The following EMC8 variants were observed in gnomAD, a reference collection of about 807,000 sequenced individuals.
The protein encoded by EMC8 is COX4 neighbor.
In EMC8, 11 loss-of-function variants were observed where a neutral mutation model predicts 24.3. The observed-to-expected ratio is 0.45, with a 90% confidence interval of 0.28 to 0.75. EMC8 has a LOEUF of 0.75. Ranked by LOEUF, EMC8 falls within the 30% of genes least tolerant of loss-of-function variation. The probability of loss-of-function intolerance (pLI) is 0.12; values close to 1 mark genes in which losing one functional copy is unlikely to be tolerated. For synonymous variants in EMC8, 145 were observed against 117.7 expected, an observed-to-expected ratio of 1.23 and a Z score of -1.50; for missense variants, 277 against 282.7, an observed-to-expected ratio of 0.98 and a Z score of 0.14.
intron 2 of EMC8, among the ~76,000 whole-genome samples, chr16:85,783,895 A>G (rs1307798749): frequency 6.6e-6 from 1 of 152,210 alleles, no homozygotes; most frequent in Non-Finnish European, 1.5e-5. Flanking sequence ...AGAGGCTCTA[A>G]CACAGAGTCC....
chr16:85,797,531 T>C (rs921798456), intron 1 of EMC8, among the ~76,000 whole-genome samples: 1 of 152,214 alleles, frequency 6.6e-6, no homozygotes, highest in African/African-American at 2.4e-5. Context: ...ATAAATATCA[T>C]CTAAGTATTA....
intron 4 of EMC8, 178 bp downstream of exon 4, chr16:85,780,200 AG>A (rs1904422348): frequency 8.1e-6 from 5 of 619,078 alleles, no homozygotes; most frequent in Middle Eastern, 4.2e-4. Flanking sequence ...GGTACCACTG[AG>A]GTTCCCTCTA....
Position 85,780,083 on chromosome 16 carries a change from A to G in EMC8, c.474-216T>C, listed in dbSNP as rs950745830. 1.0e-5 allele frequency: 6 copies of G among 595,754 alleles called. No homozygotes were observed. In the African/African-American group the frequency reaches 1.0e-4, roughly 10 times the overall value. The allele number at this position is 595,754 out of a possible 1,614,324, so 36.9% of individuals were successfully genotyped here. ...GACGCCTTTCACGTGGAATTCTGAGAAAGTTGGAGGCAGATGACTGAAGCT... is the reference window on the plus strand; with the variant it reads ...GACGCCTTTCACGTGGAATTCTGAGGAAGTTGGAGGCAGATGACTGAAGCT... On this transcript the variant is annotated intron_variant, in intron 4 of 4. Transcript: ENST00000253457.
chr16:85,792,282 G>T (rs944125436), intron 1 of EMC8: 14 of 152,316 alleles, frequency 9.2e-5, no homozygotes, highest in African/African-American at 3.4e-4. Context: ...CCAAATTCCA[G>T]CAGAAAAATG....
Position 85,781,022 on chromosome 16 carries a change from C to A in EMC8, c.378+189G>T, listed in dbSNP as rs74032009. 4.3e-3 allele frequency: 2,541 copies of A among 585,198 alleles called. 47 individuals carry two copies. Among genetic ancestry groups the A allele is most frequent in the African/African-American group, 0.041 (2,187 of 53,570 alleles). 36.3% of individuals were successfully genotyped at this position (585,198 alleles called of 1,614,324 possible). On this transcript the variant is annotated intron_variant, in intron 3 of 4. Coordinates refer to ENST00000253457, the MANE Select transcript of EMC8 (RefSeq NM_006067.5). ...CCCCACTCCCACTTGTGTAGTGATG[C>A]GGAAGCACAGAAGCCATGGCCTGGG...
chr16:85,782,324 C>T (rs960670511), intron 2 of EMC8, among the ~76,000 whole-genome samples: 11 of 152,316 alleles, frequency 7.2e-5, no homozygotes, highest in South Asian at 6.2e-4. Flanking sequence ...CTGGCCCTGC[C>T]GCCACCCAAC....
intron 2 of EMC8, among the ~76,000 whole-genome samples, chr16:85,782,211 A>C (rs1037110188): frequency 1.3e-5 from 2 of 152,174 alleles, no homozygotes; most frequent in Non-Finnish European, 2.9e-5. Flanking sequence ...GTCCACTGTA[A>C]CAAGTAAGAG....
At chr16:85,783,851 C>T (rs1247162597) in intron 2 of EMC8, among the ~76,000 whole-genome samples, 1 of 152,198 alleles carries the variant, frequency 6.6e-6, no homozygotes, top group African/African-American at 2.4e-5. Flanking sequence ...GATGAGACCC[C>T]CTGCCCTGCT....
At chr16:85,795,365 C>G (rs1190199823) in intron 1 of EMC8, among the ~76,000 whole-genome samples, 1 of 152,216 alleles carries the variant, frequency 6.6e-6, no homozygotes, top group Non-Finnish European at 1.5e-5. Flanking sequence ...GTGCCCCAAG[C>G]CACGTTCCTG....
intron 4 of EMC8, 187 bp from the exon 5 acceptor site, chr16:85,780,054 A>C: frequency 1.6e-6 from 1 of 610,910 alleles, no homozygotes; most frequent in Non-Finnish European, 2.9e-6. Flanking sequence ...TAATACATGG[A>C]AGGGACGCCT....
chr16:85,780,163 C>G (rs1183279780), intron 4 of EMC8: 1 of 603,914 alleles, frequency 1.7e-6, no homozygotes, highest in East Asian at 2.8e-5. Flanking sequence ...TGTCTGTGCT[C>G]TAGCGCCTGG....
intron 1 of EMC8, among the ~76,000 whole-genome samples, chr16:85,797,944 T>C (rs1361984316): frequency 6.6e-6 from 1 of 152,162 alleles, no homozygotes; most frequent in East Asian, 1.9e-4. Context: ...TTTCCCTTCA[T>C]TGATCACCGG....
chr16:85,785,030 C>G (rs1214568279), intron 2 of EMC8: 2 of 152,210 alleles, frequency 1.3e-5, no homozygotes, highest in Non-Finnish European at 2.9e-5. Context: ...TCACTGCAGC[C>G]CCAACTGCCC....
intron 1 of EMC8, among the ~76,000 whole-genome samples, 200 bp from the exon 2 acceptor site, chr16:85,789,250 A>G (rs944073360): frequency 1.3e-5 from 2 of 152,210 alleles, no homozygotes; most frequent in Non-Finnish European, 2.9e-5. Flanking sequence ...AGGAATGACT[A>G]TCTTCCTCAG....
intron 2 of EMC8, 84 bp downstream of exon 2, chr16:85,788,890 A>T (rs981206336): frequency 1.1e-6 from 1 of 930,524 alleles, no homozygotes; most frequent in African/African-American, 1.7e-5. Flanking sequence ...CAGGTTTCGT[A>T]TCTGGCCGAA....
At position 85,779,816 on chromosome 16, in the gene EMC8, C is replaced by G. The variant is rs1904403669; in HGVS notation, c.525G>C (p.Leu175=). The G allele has an allele frequency of 6.2e-7, 1 of 1,614,028 alleles. No homozygotes were observed. The highest frequency in any genetic ancestry group is 8.5e-7 in the Non-Finnish European group (1 of 1,180,024). Residue 175 remains leucine, a synonymous_variant, in exon 5 of 5, where the codon CTG becomes CTC. Transcript: ENST00000253457. ...CGAGCGTCTCGTAGGACCGGCTGTC[C>G]AGGAGCGAGGCTGAGATCCTCTGTG... ...PEAQRISASL[L]DSRSYETLVD... is the part of the protein sequence containing the mutation.
At chr16:85,780,026 G>T (rs1052772199) in intron 4 of EMC8, 159 bp from the exon 5 acceptor site, 2 of 631,794 alleles carry the variant, frequency 3.2e-6, no homozygotes, top group Non-Finnish European at 5.5e-6. Flanking sequence ...GAGGTATACA[G>T]AGCATAGAAG....
chr16:85,780,942 G>A (rs138226367), intron 3 of EMC8: 64 of 525,070 alleles, frequency 1.2e-4, no homozygotes, highest in Admixed American at 2.9e-4. Context: ...TCTGGGGTGG[G>A]TGCCTGGGAA....
intron 2 of EMC8, among the ~76,000 whole-genome samples, chr16:85,786,693 C>T (rs941349264): frequency 6.6e-6 from 1 of 152,136 alleles, no homozygotes; most frequent in Non-Finnish European, 1.5e-5. Flanking sequence ...TGCAAAACCT[C>T]CTGGAGGACG....
Sources: gnomAD v4.1 joint callset for allele counts (sites outside exome capture counted in the v4.1 genomes callset) on GRCh38, gnomAD v4.1.1 for gene constraint, MANE v1.5 for transcripts, NCBI Gene and HGNC (gene_info 2026-07-23, HGNC 2026-07-21) for gene names.